PDE4D: variants seen among roughly 807,000 people sequenced by gnomAD.
PDE4D encodes the protein phosphodiesterase 4D.
Under a neutral mutation model 87.4 loss-of-function variants are expected in PDE4D, and 24 were observed. That is an observed-to-expected ratio of 0.27 (90% confidence interval 0.20 to 0.39). The LOEUF (loss-of-function observed/expected upper bound fraction) is 0.39. Among genes scored for constraint, PDE4D ranks in the 10% least tolerant of loss-of-function variants. The pLI is 1.00. For missense variants in PDE4D, 714 were observed against 1,041.0 expected (o/e 0.69, Z 4.32); for synonymous variants, 384 against 383.2 (o/e 1.00, Z -0.02).
chr5:59,143,992 T>A lies in PDE4D; in HGVS notation c.808+36603A>T, dbSNP rs74510766. Among the ~76,000 whole-genome samples, 467 of 152,330 alleles carry A rather than the reference T, an allele frequency of 3.1e-3. 10 individuals carry two copies. In the East Asian group the frequency reaches 0.056, roughly 18 times the overall value. ...CAGAATAAGGCAAAGGTACTTTAACTCCTTCACAATCACATGTTTTCACTT... is the reference window on the plus strand; with the variant it reads ...CAGAATAAGGCAAAGGTACTTTAACACCTTCACAATCACATGTTTTCACTT... On this transcript the variant is annotated intron_variant, in intron 5 of 14. Coordinates refer to ENST00000340635, the MANE Select transcript of PDE4D (RefSeq NM_001104631.2).
intron 2 of PDE4D, among the ~76,000 whole-genome samples, chr5:60,128,992 T>G (rs1175025643): frequency 6.6e-6 from 1 of 152,164 alleles, no homozygotes; most frequent in African/African-American, 2.4e-5. Flanking sequence ...AAAAACAAAG[T>G]TCTATGTTAT....
chr5:59,531,542 G>A (rs917840969), intron 1 of PDE4D, among the ~76,000 whole-genome samples: 30 of 152,164 alleles, frequency 2.0e-4, no homozygotes, highest in African/African-American at 7.2e-4. Flanking sequence ...GTCCAACACA[G>A]GCCTCAATGG....
At chr5:60,254,190 T>C (rs1056603788) in intron 1 of PDE4D, among the ~76,000 whole-genome samples, 1 of 151,944 alleles carries the variant, frequency 6.6e-6, no homozygotes, top group African/African-American at 2.4e-5. Context: ...GTTCTTGGGC[T>C]GTAGTCCCTT....
chr5:60,511,954 T>C (rs1253349762), intron 1 of PDE4D, among the ~76,000 whole-genome samples: 1 of 152,188 alleles, frequency 6.6e-6, no homozygotes, highest in East Asian at 1.9e-4. Context: ...GTAAGTCAAA[T>C]GCACACGTAT....
chr5:59,814,256 G>A (rs1486077354), intron 1 of PDE4D, among the ~76,000 whole-genome samples: 3 of 152,170 alleles, frequency 2.0e-5, no homozygotes, highest in Non-Finnish European at 2.9e-5. Flanking sequence ...CTTATTGTCT[G>A]TGGCTGCTTG....
intron 1 of PDE4D, among the ~76,000 whole-genome samples, chr5:60,193,842 T>C (rs957051829): frequency 6.6e-6 from 1 of 151,448 alleles, no homozygotes; most frequent in Non-Finnish European, 1.5e-5. Flanking sequence ...TTAATGTCTC[T>C]CTGAACATCC....
intron 5 of PDE4D, among the ~76,000 whole-genome samples, chr5:59,129,678 T>C (rs2153450310): frequency 6.6e-6 from 1 of 152,314 alleles, no homozygotes; most frequent in East Asian, 1.9e-4. Context: ...TGTAACTGCT[T>C]CTATAAATCA....
At chr5:60,273,490 A>G (rs1256512010) in intron 1 of PDE4D, among the ~76,000 whole-genome samples, 2 of 152,192 alleles carry the variant, frequency 1.3e-5, no homozygotes, top group African/African-American at 2.4e-5. Context: ...AGAGTTTTAG[A>G]TCTAAGAAGT....
intron 1 of PDE4D, chr5:59,430,424 C>A: frequency 8.9e-6 from 11 of 1,231,058 alleles, no homozygotes; most frequent in Non-Finnish European, 1.1e-5. Flanking sequence ...CTCATTATAT[C>A]CAAAAGGCAA....
chr5:60,044,060 T>A (rs982546067), intron 2 of PDE4D, among the ~76,000 whole-genome samples: 1 of 152,152 alleles, frequency 6.6e-6, no homozygotes, highest in African/African-American at 2.4e-5. Context: ...TCTTTAGTTT[T>A]CTGTGATTTG....
chr5:59,586,916 C>G, intron 1 of PDE4D: 1 of 985,402 alleles, frequency 1.0e-6, no homozygotes. Context: ...GTCACTTTAA[C>G]GCAGTGCTAC....
intron 5 of PDE4D, among the ~76,000 whole-genome samples, chr5:59,092,735 G>A (rs1247064293): frequency 6.6e-6 from 1 of 152,122 alleles, no homozygotes; most frequent in Non-Finnish European, 1.5e-5. Flanking sequence ...TTCCTGAGGT[G>A]TTCTTACAAA....
At chr5:59,303,038 C>T (rs770375065) in intron 1 of PDE4D, among the ~76,000 whole-genome samples, 1 of 152,110 alleles carries the variant, frequency 6.6e-6, no homozygotes, top group Non-Finnish European at 1.5e-5. Flanking sequence ...CCTTCCATGC[C>T]AACATCTACT....
chr5:59,468,457 A>G (rs1393298088), intron 1 of PDE4D, among the ~76,000 whole-genome samples: 1 of 152,228 alleles, frequency 6.6e-6, no homozygotes, highest in African/African-American at 2.4e-5. Context: ...AACACAAAAA[A>G]GGGAAAGATT....
chr5:59,736,028 AG>A (rs1758020185), intron 1 of PDE4D, among the ~76,000 whole-genome samples: 1 of 152,074 alleles, frequency 6.6e-6, no homozygotes, highest in South Asian at 2.1e-4. Flanking sequence ...GACTAGAAAT[AG>A]TTGCTTAAAA....
At chr5:59,413,317 G>T (rs914885461) in intron 1 of PDE4D, among the ~76,000 whole-genome samples, 2 of 151,866 alleles carry the variant, frequency 1.3e-5, no homozygotes, top group African/African-American at 4.8e-5. Flanking sequence ...AATTAGCCGG[G>T]CGTAGTGGTG....
chr5:59,353,608 CA>C (rs1028202819), intron 1 of PDE4D, among the ~76,000 whole-genome samples: 5 of 121,896 alleles, frequency 4.1e-5, no homozygotes, highest in Non-Finnish European at 7.6e-5. Flanking sequence ...TTACTGAAAA[CA>C]TGGTTGGCAA....
Position 59,821,237 on chromosome 5 carries a change from GCAACAACAACAA to G in PDE4D, c.455+71919_455+71930del, listed in dbSNP as rs71606606. On this transcript the variant is annotated intron_variant, in intron 1 of 14. Transcript: ENST00000340635. ...GACAGAGCAAGATTCTGTCTCAACA[GCAACAACAACAA>G]CAACAACAACAACAACAACAACAAC... is the stretch of plus-strand genomic sequence containing the variant. Among the ~76,000 whole-genome samples, 28 of 148,994 alleles carry G rather than the reference GCAACAACAACAA, an allele frequency of 1.9e-4. 1 individual carries two copies. In the East Asian group the frequency reaches 2.0e-3, roughly 11 times the overall value.
At chr5:59,916,730 G>A (rs965554224) in intron 3 of PDE4D, among the ~76,000 whole-genome samples, 39 of 151,982 alleles carry the variant, frequency 2.6e-4, no homozygotes, top group African/African-American at 8.5e-4. Flanking sequence ...ACTTTTAAGA[G>A]TCACAGCATA....
Sources: allele counts gnomAD v4.1 joint callset (sites outside exome capture counted in the v4.1 genomes callset), GRCh38; gene constraint gnomAD v4.1.1; transcripts MANE v1.5; gene names NCBI Gene and HGNC (gene_info 2026-07-23, HGNC 2026-07-21).